Variants in RBFOX1 observed in about 807,000 individuals in gnomAD.
RBFOX1 encodes the protein RNA binding fox-1 homolog 1.
A neutral mutation model predicts 57.7 loss-of-function variants in RBFOX1; 8 were observed. The ratio of observed to expected loss-of-function variants is 0.14; its 90% CI spans 0.08 to 0.25. The LOEUF is 0.25. Among genes scored for constraint, RBFOX1 ranks in the 10% least tolerant of loss-of-function variants. RBFOX1 has a pLI of 1.00. For synonymous variants in RBFOX1, 326 were observed against 222.4 expected (o/e 1.47, Z -4.15); for missense variants, 611 against 548.5 (o/e 1.11, Z -1.14).
rs1361804890 is a variant in RBFOX1 at position 5,681,320 on chromosome 16, G to T, written c.318+82359G>T. ...AGGATGGTCTCGATCTCCTGACCTT[G>T]TGATCCACCCGCCTCGGCCTCCCAA... On this transcript the variant is annotated intron_variant, in intron 3 of 19. Coordinates refer to the RBFOX1 transcript ENST00000641259. Among the ~76,000 whole-genome samples the T allele has an allele frequency of 8.8e-5, 13 of 148,048 alleles. 1 individual carries two copies. The East Asian group carries it at 2.6e-3, about 29-fold the overall frequency.
In RBFOX1 at chr16:6,782,195, C is replaced by G. The variant is rs570357702; in HGVS notation, c.-16+127545C>G. Among the ~76,000 whole-genome samples the G allele has an allele frequency of 1.5e-4, 23 of 152,232 alleles. No individual in the cohort carries two copies. In the South Asian group the frequency reaches 4.4e-3, roughly 29 times the overall value. ...CTAATTGTTGTATTTTCAGTAGATACAGGGTTTCGCCATGTTGGCCAGGGT... is the reference window on the plus strand; with the variant it reads ...CTAATTGTTGTATTTTCAGTAGATAGAGGGTTTCGCCATGTTGGCCAGGGT... On this transcript the variant is annotated intron_variant, in intron 3 of 15. Transcript: ENST00000550418.
intron 3 of RBFOX1, among the ~76,000 whole-genome samples, chr16:7,043,563 T>G (rs1233850959): frequency 2.0e-5 from 3 of 152,226 alleles, no homozygotes; most frequent in Non-Finnish European, 4.4e-5. Context: ...ACAGCAACGC[T>G]GAGAAATAAA....
intron 3 of RBFOX1, among the ~76,000 whole-genome samples, chr16:5,739,326 G>T (rs189902133): frequency 4.6e-4 from 70 of 152,358 alleles, no homozygotes; most frequent in African/African-American, 1.6e-3. Flanking sequence ...TATGGGTAAC[G>T]TTCTGCGTAG....
intron 5 of RBFOX1, among the ~76,000 whole-genome samples, chr16:7,536,581 G>A (rs762047650): frequency 6.6e-6 from 1 of 152,174 alleles, no homozygotes; most frequent in Non-Finnish European, 1.5e-5. Flanking sequence ...GCAACACAGT[G>A]AGACTTCGTC....
chr16:7,706,135 A>G (rs938504117), intron 14 of RBFOX1, among the ~76,000 whole-genome samples: 10 of 152,186 alleles, frequency 6.6e-5, no homozygotes, highest in African/African-American at 2.4e-4. Flanking sequence ...TCAAGTCCAC[A>G]TCTTCCCCAA....
intron 2 of RBFOX1, among the ~76,000 whole-genome samples, chr16:5,536,513 G>T (rs1244134106): frequency 6.6e-6 from 1 of 152,082 alleles, no homozygotes; most frequent in Non-Finnish European, 1.5e-5. Flanking sequence ...TGAGATTACA[G>T]GTGTGAGCCA....
rs1010513916 is a variant in RBFOX1 at position 7,457,951 on chromosome 16, A to G, written c.28-60196A>G. Among the ~76,000 whole-genome samples, 7 of 152,126 alleles carry G rather than the reference A, an allele frequency of 4.6e-5. No individual in the cohort carries two copies. The East Asian group carries it at 1.3e-3, about 29-fold the overall frequency. Reference sequence around the variant, plus strand: ...AAGCATGATCTTTGTGCCCCAGGACATTTGCACATGCTGTTTCCTGAAAGG... The same window carrying G: ...AAGCATGATCTTTGTGCCCCAGGACGTTTGCACATGCTGTTTCCTGAAAGG... On this transcript the variant is annotated intron_variant, in intron 4 of 15. Coordinates refer to ENST00000550418, the MANE Select transcript of RBFOX1 (RefSeq NM_018723.4).
intron 14 of RBFOX1, among the ~76,000 whole-genome samples, chr16:7,691,453 AAAGG>A (rs993747079): frequency 7.2e-5 from 11 of 151,864 alleles, no homozygotes; most frequent in African/African-American, 2.7e-4. Flanking sequence ...GGAAAGGAGA[AAAGG>A]AAGGAAAGGG....
intron 4 of RBFOX1, among the ~76,000 whole-genome samples, chr16:7,253,928 C>G (rs547177460): frequency 6.6e-6 from 1 of 152,238 alleles, no homozygotes; most frequent in South Asian, 2.1e-4. Context: ...TATAGGAGCT[C>G]TCTTGTATCT....
At chr16:5,310,435 G>C (rs990298145) in intron 1 of RBFOX1, among the ~76,000 whole-genome samples, 2 of 152,094 alleles carry the variant, frequency 1.3e-5, no homozygotes, top group African/African-American at 4.8e-5. Flanking sequence ...AATTAGGCAG[G>C]TATGTTAGAA....
intron 3 of RBFOX1, among the ~76,000 whole-genome samples, chr16:5,613,017 C>G (rs943553763): frequency 2.6e-5 from 4 of 152,186 alleles, no homozygotes; most frequent in Non-Finnish European, 4.4e-5. Context: ...GATGACAAGA[C>G]TGAAGCTCAG....
chr16:5,378,869 T>A (rs2066058657), intron 1 of RBFOX1, among the ~76,000 whole-genome samples: 1 of 151,588 alleles, frequency 6.6e-6, no homozygotes. Flanking sequence ...TTTATGATTA[T>A]GGATTAGGCA....
intron 14 of RBFOX1, among the ~76,000 whole-genome samples, chr16:7,693,912 A>T (rs571996884): frequency 6.6e-6 from 1 of 152,338 alleles, no homozygotes; most frequent in African/African-American, 2.4e-5. Context: ...CTTATAAAAC[A>T]TCTCTCAAGT....
At chr16:7,538,844 C>G (rs1159122814) in intron 5 of RBFOX1, among the ~76,000 whole-genome samples, 2 of 150,660 alleles carry the variant, frequency 1.3e-5, no homozygotes, top group African/African-American at 4.9e-5. Context: ...CATCTCCTCC[C>G]CCGCACCCCC....
intron 2 of RBFOX1, among the ~76,000 whole-genome samples, chr16:6,383,799 C>G (rs1387134421): frequency 6.6e-6 from 1 of 151,788 alleles, no homozygotes; most frequent in Non-Finnish European, 1.5e-5. Flanking sequence ...AAAAACAGCA[C>G]AACAAACAAG....
chr16:7,412,274 G>A (rs1043991026), intron 4 of RBFOX1, among the ~76,000 whole-genome samples: 2 of 151,938 alleles, frequency 1.3e-5, no homozygotes, highest in Admixed American at 1.3e-4. Flanking sequence ...AATTAGCCAG[G>A]CGTGGTGGCG....
intron 3 of RBFOX1, among the ~76,000 whole-genome samples, chr16:6,899,661 C>CA (rs1475997195): frequency 1.9e-4 from 29 of 152,224 alleles, no homozygotes; most frequent in Admixed American, 9.8e-4. Flanking sequence ...CATACCTCCT[C>CA]AAGCAAGTGT....
chr16:7,676,233 TACAG>T (rs2073228883), intron 13 of RBFOX1, among the ~76,000 whole-genome samples: 3 of 152,206 alleles, frequency 2.0e-5, no homozygotes, highest in African/African-American at 7.2e-5. Flanking sequence ...TTTAGACAGC[TACAG>T]ACATTCTTCA....
chr16:7,380,671 T>C (rs2097769512), intron 4 of RBFOX1, among the ~76,000 whole-genome samples: 1 of 152,264 alleles, frequency 6.6e-6, no homozygotes. Flanking sequence ...GTTTTGTCTT[T>C]GCTAGGACGA....
Sources: gnomAD v4.1 joint callset for allele counts (sites outside exome capture counted in the v4.1 genomes callset) on GRCh38, gnomAD v4.1.1 for gene constraint, MANE v1.5 for transcripts, NCBI Gene and HGNC (gene_info 2026-07-23, HGNC 2026-07-21) for gene names.